GRIA1: variants seen among roughly 807,000 people sequenced by gnomAD.
GRIA1 encodes glutamate ionotropic receptor AMPA type subunit 1, also known as glutamate receptor 1.
Under a neutral mutation model 99.2 loss-of-function variants are expected in GRIA1, and 31 were observed. That is an observed-to-expected ratio of 0.31 (90% CI 0.23 to 0.42). The LOEUF is 0.42. Among genes scored for constraint, GRIA1 ranks in the 10% least tolerant of loss-of-function variants. The pLI is 1.00. For missense variants in GRIA1, 782 were observed against 1,157.5 expected, an observed-to-expected ratio of 0.68 and a Z score of 4.71; for synonymous variants, 438 against 432.4, an observed-to-expected ratio of 1.01 and a Z score of -0.16.
chr5:153,588,518 CAT>C (rs1763693700), intron 2 of GRIA1, among the ~76,000 whole-genome samples: 1 of 152,198 alleles, frequency 6.6e-6, no homozygotes, highest in Non-Finnish European at 1.5e-5. Flanking sequence ...GATGTTAGAA[CAT>C]AGTGACAGAA....
intron 2 of GRIA1, among the ~76,000 whole-genome samples, chr5:153,511,796 G>A (rs935198522): frequency 1.3e-4 from 20 of 152,140 alleles, no homozygotes; most frequent in Admixed American, 1.3e-3. Context: ...CCTCTAAACA[G>A]TTTTACCCAG....
At chr5:153,516,093 G>A (rs1046650400) in intron 2 of GRIA1, among the ~76,000 whole-genome samples, 18 of 151,978 alleles carry the variant, frequency 1.2e-4, no homozygotes, top group East Asian at 5.8e-4. Flanking sequence ...GGTGGCGGGC[G>A]CCTGTAATCC....
chr5:153,661,925 A>C (rs974003625), intron 5 of GRIA1, among the ~76,000 whole-genome samples: 11 of 152,276 alleles, frequency 7.2e-5, no homozygotes, highest in African/African-American at 2.4e-4. Context: ...TTCATGCTTG[A>C]ATAATACCCA....
chr5:153,677,731 C>A (rs78650464), intron 7 of GRIA1, among the ~76,000 whole-genome samples: 3,742 of 152,332 alleles, frequency 0.025, 70 homozygotes, highest in Middle Eastern at 0.082. Context: ...GAGGCTGAAT[C>A]CAGATACAAC....
chr5:153,590,359 C>G (rs1423655933), intron 2 of GRIA1, among the ~76,000 whole-genome samples: 1 of 152,048 alleles, frequency 6.6e-6, no homozygotes, highest in South Asian at 2.1e-4. Flanking sequence ...ATGGAAACAG[C>G]AGCTTTGCAG....
intron 11 of GRIA1, among the ~76,000 whole-genome samples, chr5:153,752,821 A>C (rs1482706726): frequency 6.6e-6 from 1 of 152,240 alleles, no homozygotes; most frequent in Non-Finnish European, 1.5e-5. Context: ...TTAAAATCTC[A>C]ATCAGTTCAG....
At chr5:153,606,017 C>G (rs1356897611) in intron 2 of GRIA1, among the ~76,000 whole-genome samples, 1 of 152,092 alleles carries the variant, frequency 6.6e-6, no homozygotes, top group Non-Finnish European at 1.5e-5. Context: ...GAAAACTTTT[C>G]CTACCCTGAG....
Position 153,719,054 on chromosome 5 carries a change from G to A in GRIA1, c.1823+12987G>A, listed in dbSNP as rs548496911. On this transcript the variant is annotated intron_variant, in intron 11 of 15. Transcript: ENST00000285900. ...CACAAGTCCGTTCCTGCTCTCCTGA[G>A]CACCTGGTTTTGTTTCTTTGAGGTC... Among the ~76,000 whole-genome samples, 16 of 152,216 alleles carry A rather than the reference G, an allele frequency of 1.1e-4. No homozygotes were observed. The South Asian group carries it at 3.1e-3, about 30-fold the overall frequency.
At chr5:153,810,219 G>A (rs930062903) in intron 15 of GRIA1, among the ~76,000 whole-genome samples, 27 of 152,182 alleles carry the variant, frequency 1.8e-4, no homozygotes, top group African/African-American at 5.8e-4. Context: ...AAGCTTAGTG[G>A]CACTGATCTG....
At chr5:153,667,195 A>T (rs1249552055) in intron 5 of GRIA1, among the ~76,000 whole-genome samples, 1 of 152,164 alleles carries the variant, frequency 6.6e-6, no homozygotes, top group Non-Finnish European at 1.5e-5. Flanking sequence ...GATGGGATGG[A>T]GGAAGTGCTC....
intron 2 of GRIA1, among the ~76,000 whole-genome samples, chr5:153,523,362 C>T (rs901038133): frequency 1.3e-5 from 2 of 152,042 alleles, no homozygotes; most frequent in Non-Finnish European, 2.9e-5. Flanking sequence ...AATTTTATAT[C>T]CCTCATTATG....
intron 2 of GRIA1, among the ~76,000 whole-genome samples, chr5:153,499,366 A>G (rs2113225825): frequency 6.6e-6 from 1 of 152,268 alleles, no homozygotes; most frequent in Non-Finnish European, 1.5e-5. Context: ...TTGTAATCCC[A>G]GCACTTTGGA....
intron 8 of GRIA1, among the ~76,000 whole-genome samples, chr5:153,692,134 A>G (rs1757808955): frequency 6.6e-6 from 1 of 152,110 alleles, no homozygotes; most frequent in Admixed American, 6.6e-5. Flanking sequence ...CTAGAGTTTC[A>G]TGTGCTGTGT....
chr5:153,706,322 T>C (rs996275800), intron 11 of GRIA1: 1 of 513,018 alleles, frequency 1.9e-6, no homozygotes, highest in East Asian at 3.5e-5. Flanking sequence ...TTATGACTGA[T>C]GCGTTGTAGC....
chr5:153,807,676 G>A (rs972305091), intron 15 of GRIA1, among the ~76,000 whole-genome samples: 16 of 152,096 alleles, frequency 1.1e-4, no homozygotes, highest in East Asian at 7.7e-4. Context: ...ATAACATTTC[G>A]GTCTAATTCA....
Position 153,493,909 on chromosome 5 carries a change from G to T in GRIA1, c.83-19G>T, listed in dbSNP as rs376315435. On this transcript the variant is annotated intron_variant, in intron 1 of 15. Transcript: ENST00000285900. The stretch of plus-strand genomic sequence containing the variant: ...CTGTCTCTAGCCCATATACCATGTT[G>T]CATTTTCTTTTCTCATAGGGGGATT... 12 of 1,613,508 alleles carry T rather than the reference G, an allele frequency of 7.4e-6. No individual in the cohort carries two copies. Among genetic ancestry groups the T allele is most frequent in the Non-Finnish European group, 1.0e-5 (12 of 1,179,630 alleles).
At chr5:153,745,589 C>CAAAAAAAA (rs58166158) in intron 11 of GRIA1, among the ~76,000 whole-genome samples, 4 of 100,878 alleles carry the variant, frequency 4.0e-5, no homozygotes, top group African/African-American at 7.7e-5. Context: ...AACTCTGTCT[C>CAAAAAAAA]AAAAAAAAAA....
chr5:153,609,848 A>G (rs2149407820), intron 2 of GRIA1, among the ~76,000 whole-genome samples: 2 of 152,242 alleles, frequency 1.3e-5, no homozygotes, highest in South Asian at 4.2e-4. Context: ...GGCATGAGCC[A>G]CCGAGCCCAG....
intron 2 of GRIA1, among the ~76,000 whole-genome samples, chr5:153,602,725 C>G (rs1463042010): frequency 6.6e-6 from 1 of 152,114 alleles, no homozygotes; most frequent in Non-Finnish European, 1.5e-5. Context: ...CAGCCCTGGG[C>G]TACAGTTCCC....
Sources: allele counts gnomAD v4.1 joint callset (sites outside exome capture counted in the v4.1 genomes callset), GRCh38; gene constraint gnomAD v4.1.1; transcripts MANE v1.5; gene names NCBI Gene and HGNC (gene_info 2026-07-23, HGNC 2026-07-21).